The following ZNF860 variants were observed in gnomAD, a reference collection of about 807,000 sequenced individuals.
ZNF860 encodes zinc finger protein 860.
For synonymous variants in ZNF860, 206 were observed against 248.9 expected (o/e 0.83, Z 1.62); for missense variants, 641 against 759.2 (o/e 0.84, Z 1.83).
Position 31,990,303 on chromosome 3 carries a change from T to C in ZNF860, c.1224T>C (p.Ser408=). 1 of 1,614,128 alleles carries C rather than the reference T, an allele frequency of 6.2e-7. No individual in the cohort carries two copies. The highest frequency in any genetic ancestry group is 1.7e-4 in the Middle Eastern group (1 of 6,060). Residue 408 remains serine (S), a synonymous_variant, in exon 2 of 2, where the codon AGT becomes AGC. Coordinates refer to ENST00000360311, the MANE Select transcript of ZNF860 (RefSeq NM_001137674.3). ...GTAATGATTGTCACAAAGTCTTCAG[T>C]AATGCTACAACCATTGCAAATCATT... ...YKCNDCHKVF[S]NATTIANHWR... is the part of the protein sequence containing the mutation.
At chr3:32,004,647 T>C in the ZNF860 span, among the ~76,000 whole-genome samples, 2 of 152,216 alleles carry the variant, frequency 1.3e-5, no homozygotes, top group Non-Finnish European at 2.9e-5. Context: ...TGTTCTGAGT[T>C]TTCTTTCAAC....
In ZNF860 at chr3:31,989,316, A is replaced by G; in HGVS notation, c.237A>G (p.Gln79=). 6.2e-7 allele frequency: 1 copy of G among 1,614,238 alleles called. No homozygotes were observed. Among genetic ancestry groups the G allele is most frequent in the Non-Finnish European group, 8.5e-7 (1 of 1,180,024 alleles). Residue 79 remains glutamine, a synonymous_variant, in exon 2 of 2, where the codon CAA becomes CAG. Transcript: ENST00000360311. The part of the protein sequence containing the change: ...CMMKKFSSTA[Q]GNTEVDTGTL... ...TGAAGAAGTTCTCATCAACAGCGCA[A>G]GGCAATACAGAAGTGGACACAGGGA...
At chr3:32,003,137 C>A in the ZNF860 span, among the ~76,000 whole-genome samples, 1 of 152,204 alleles carries the variant, frequency 6.6e-6, no homozygotes, top group African/African-American at 2.4e-5. Flanking sequence ...GGAGGAATCA[C>A]AAGTGTCATT....
At chr3:31,992,670 T>C (rs1034763388), downstream of ZNF860, among the ~76,000 whole-genome samples, 5 of 152,128 alleles carry the variant, frequency 3.3e-5, no homozygotes, top group African/African-American at 9.7e-5. Context: ...TTTCAACAAG[T>C]GATGGAACTA....
chr3:31,991,325 T>A lies in ZNF860; in HGVS notation c.*347T>A, dbSNP rs1326060681. On this transcript the variant is annotated 3_prime_UTR_variant, in exon 2 of 2. Transcript: ENST00000360311. ...GATAGGGATTTTTATGGGTATTGTG[T>A]TGAATCTAAATCACATTGGGTTATA... 8.5e-6 allele frequency: 2 copies of A among 236,158 alleles called. No individual in the cohort carries two copies. The highest frequency in any genetic ancestry group is 1.8e-5 in the Non-Finnish European group (2 of 112,220). 14.6% of individuals were successfully genotyped at this position (236,158 alleles called of 1,614,324 possible).
At chr3:31,986,963 T>C (rs1698941951) in intron 1 of ZNF860, among the ~76,000 whole-genome samples, 1 of 152,136 alleles carries the variant, frequency 6.6e-6, no homozygotes, top group African/African-American at 2.4e-5. Flanking sequence ...GCTATGATTG[T>C]GCCACTGTAC....
rs779886387 is a variant in ZNF860 at position 31,989,825 on chromosome 3, A to C, written c.746A>C (p.Gln249Pro). The change falls in exon 2 of 2, where the codon CAG (glutamine) becomes CCG (proline). Residue 249 changes from glutamine to proline, a missense_variant. By Grantham distance (76) the Gln-to-Pro change is moderately conservative. Coordinates refer to ENST00000360311, the MANE Select transcript of ZNF860 (RefSeq NM_001137674.3). ...FNCSSLLRKH[Q>P]IIYLGGKQYK... ...TGTAGCTCACTCTTAAGGAAACATC[A>C]GATAATCTATTTAGGAGGGAAACAA... The C allele has an allele frequency of 2.5e-6, 4 of 1,614,094 alleles. No individual in the cohort carries two copies. Among genetic ancestry groups the C allele is most frequent in the Non-Finnish European group, 3.4e-6 (4 of 1,180,032 alleles).
Position 31,991,126 on chromosome 3 carries a change from C to A in ZNF860, c.*148C>A. 1.3e-6 allele frequency: 1 copy of A among 795,892 alleles called. No individual in the cohort carries two copies. The highest frequency in any genetic ancestry group is 2.4e-4 in the Middle Eastern group (1 of 4,196). 49.3% of individuals were successfully genotyped at this position (795,892 alleles called of 1,614,324 possible). ...CAGTTGACTTGACATTGAGTTCAAG[C>A]ATTAATTGACATTAAAGTGTTTACG... On this transcript the variant is annotated 3_prime_UTR_variant, in exon 2 of 2. Transcript: ENST00000360311.
Position 31,989,088 on chromosome 3 carries a change from T to A in ZNF860, c.9T>A (p.Arg3=), listed in dbSNP as rs755850446. Residue 3 remains arginine, a synonymous_variant, in exon 2 of 2, where the codon CGT becomes CGA. Coordinates refer to ENST00000360311, the MANE Select transcript of ZNF860 (RefSeq NM_001137674.3). ...TTGATTTCTAAAGACTCATGTTACG[T>A]GAGGAAGCAGCTCAGAAGAGGAAAG... ML[R]EEAAQKRKEK... is the part of the protein sequence containing the mutation. The A allele has an allele frequency of 1.2e-6, 2 of 1,612,462 alleles. No individual in the cohort carries two copies. The highest frequency in any genetic ancestry group is 2.7e-5 in the African/African-American group (2 of 74,814).
Position 31,990,816 on chromosome 3 carries a change from A to G in ZNF860, c.1737A>G (p.Ser579=). The part of the protein sequence containing the change: ...DDFDEAFSQA[S]SYAKQRRIHM... ...TTGACGAGGCCTTCAGTCAAGCTTC[A>G]TCTTATGCAAAACAAAGGAGAATTC... The change falls in exon 2 of 2, where the codon TCA becomes TCG. Residue 579 remains serine (S), a synonymous_variant. Transcript: ENST00000360311. 1 of 1,601,226 alleles carries G rather than the reference A, an allele frequency of 6.2e-7. No individual in the cohort carries two copies. The highest frequency in any genetic ancestry group is 8.5e-7 in the Non-Finnish European group (1 of 1,173,002).
intron 1 of ZNF860, among the ~76,000 whole-genome samples, chr3:31,985,495 C>A (rs1698922115): frequency 6.6e-6 from 1 of 152,212 alleles, no homozygotes; most frequent in South Asian, 2.1e-4. Flanking sequence ...AGGGAGCTGA[C>A]TACCCCATCT....
At position 31,988,811 on chromosome 3, in the gene ZNF860, G is replaced by A; in HGVS notation, c.-269G>A. On this transcript the variant is annotated 5_prime_UTR_variant, in exon 2 of 2. Coordinates refer to ENST00000360311, the MANE Select transcript of ZNF860 (RefSeq NM_001137674.3). Reference sequence around the variant, plus strand: ...TGCTAACAGCCATGTGAGTGACCTTGGAAGTAGGTTGTCACCAGTCAAGCC... The same window carrying A: ...TGCTAACAGCCATGTGAGTGACCTTAGAAGTAGGTTGTCACCAGTCAAGCC... 2 of 507,708 alleles carry A rather than the reference G, an allele frequency of 3.9e-6. No individual in the cohort carries two copies. The highest frequency in any genetic ancestry group is 7.0e-6 in the Non-Finnish European group (2 of 284,678). The allele number at this position is 507,708 out of a possible 1,614,324, so 31.5% of individuals were successfully genotyped here. A position where few individuals can be genotyped will look rare whatever the true frequency, so the allele number is the denominator to read the frequency against.
downstream of ZNF860, among the ~76,000 whole-genome samples, chr3:31,996,140 T>C (rs772003136): frequency 2.6e-5 from 4 of 152,198 alleles, no homozygotes; most frequent in Non-Finnish European, 5.9e-5. Context: ...TGCAAAATAC[T>C]AGTCCTTCTG....
In ZNF860 at chr3:31,985,167, AG is replaced by A. The variant is rs541945089; in HGVS notation, c.-421+3267del. Among the ~76,000 whole-genome samples the A allele has an allele frequency of 2.0e-5, 3 of 152,216 alleles. No homozygotes were observed. The South Asian group carries it at 6.2e-4, about 32-fold the overall frequency. ...GGCAGGAAAATCGCTTGAACCCAGAAGGCAGAGGTTGCAGTGAGCCAAGATC... is the reference window on the plus strand; with the variant it reads ...GGCAGGAAAATCGCTTGAACCCAGAAGCAGAGGTTGCAGTGAGCCAAGATC... On this transcript the variant is annotated intron_variant, in intron 1 of 1. Coordinates refer to ENST00000360311, the MANE Select transcript of ZNF860 (RefSeq NM_001137674.3).
At chr3:31,984,229 A>G (rs1375839147) in intron 1 of ZNF860, among the ~76,000 whole-genome samples, 1 of 151,870 alleles carries the variant, frequency 6.6e-6, no homozygotes, top group African/African-American at 2.4e-5. Context: ...TTTAGTAGAG[A>G]TGGGATTTCA....
intron 1 of ZNF860, 141 bp from the exon 2 acceptor site, chr3:31,988,519 G>A (rs1053538046): frequency 6.5e-6 from 1 of 154,660 alleles, no homozygotes; most frequent in Non-Finnish European, 1.4e-5. Flanking sequence ...GATGAATTTA[G>A]TGACTCACTT....
chr3:31,992,116 A>C (rs1699038842), downstream of ZNF860, among the ~76,000 whole-genome samples: 1 of 151,318 alleles, frequency 6.6e-6, no homozygotes. Flanking sequence ...ACTGCACTCC[A>C]ACCTAGGCAA....
At position 31,991,237 on chromosome 3, in the gene ZNF860, G is replaced by A; in HGVS notation, c.*259G>A. ...AAGACGGATAGATCACTTGAGGTCA[G>A]GAGTTTGAGACCATCCTGGCCAAAA... On this transcript the variant is annotated 3_prime_UTR_variant, in exon 2 of 2. Transcript: ENST00000360311. 3 of 419,368 alleles carry A rather than the reference G, an allele frequency of 7.2e-6. No homozygotes were observed. The highest frequency in any genetic ancestry group is 1.3e-5 in the Non-Finnish European group (3 of 229,576). 26.0% of individuals were successfully genotyped at this position (419,368 alleles called of 1,614,324 possible).
downstream of ZNF860, among the ~76,000 whole-genome samples, chr3:31,993,455 G>T (rs1420158211): frequency 6.6e-6 from 1 of 151,900 alleles, no homozygotes; most frequent in African/African-American, 2.4e-5. Flanking sequence ...TGATCCACCC[G>T]CCTCGGCCTC....
Sources: gnomAD v4.1 joint callset for allele counts (sites outside exome capture counted in the v4.1 genomes callset) on GRCh38, gnomAD v4.1.1 for gene constraint, MANE v1.5 for transcripts, NCBI Gene and HGNC (gene_info 2026-07-23, HGNC 2026-07-21) for gene names.